SRGAP2B: variants seen among roughly 807,000 people sequenced by gnomAD.
SRGAP2B encodes SLIT-ROBO Rho GTPase-activating protein 2B.
A neutral mutation model predicts 22.2 loss-of-function variants in SRGAP2B; 9 were observed. That is an observed-to-expected ratio of 0.41 (90% CI 0.24 to 0.71). SRGAP2B has a LOEUF of 0.71. Among genes scored for constraint, SRGAP2B ranks in the 30% least tolerant of loss-of-function variants. The pLI, the probability that SRGAP2B is intolerant of heterozygous loss-of-function variation, is 0.35. For missense variants in SRGAP2B, 114 were observed against 235.8 expected (o/e 0.48, Z 3.38); for synonymous variants, 36 against 87.4 (o/e 0.41, Z 3.28).
At chr1:144,896,386 T>C (rs1662332247) in intron 8 of SRGAP2B, among the ~76,000 whole-genome samples, 1 of 126,930 alleles carries the variant, frequency 7.9e-6, no homozygotes, top group Non-Finnish European at 1.6e-5. Flanking sequence ...CCTCTCACTT[T>C]AGCTTTTTTA....
intron 2 of SRGAP2B, among the ~76,000 whole-genome samples, chr1:145,075,983 G>A (rs1447526861): frequency 6.7e-6 from 1 of 149,966 alleles, no homozygotes. Context: ...AGTTACTTGG[G>A]AGGAGGCCAT....
At chr1:144,992,142 G>C (rs1156252894) in intron 3 of SRGAP2B, among the ~76,000 whole-genome samples, 2 of 149,950 alleles carry the variant, frequency 1.3e-5, no homozygotes, top group African/African-American at 5.0e-5. Flanking sequence ...AACACTCACC[G>C]TGAAGGTCTG....
intron 3 of SRGAP2B, chr1:144,964,974 C>G (rs1667961588): frequency 7.0e-7 from 1 of 1,433,744 alleles, no homozygotes; most frequent in African/African-American, 1.4e-5. Context: ...GCGCCGCCTG[C>G]ACCAGAGACC....
intron 4 of SRGAP2B, among the ~76,000 whole-genome samples, chr1:144,920,685 C>T (rs587691957): frequency 2.1e-4 from 32 of 149,918 alleles, no homozygotes; most frequent in East Asian, 1.4e-3. Flanking sequence ...TATTCTCGAG[C>T]GACTGTGCCT....
In SRGAP2B at chr1:144,975,242, A is replaced by C. The variant is rs587710396; in HGVS notation, c.261-19641T>G. ...GGAAAACATTAAATACAAACAAATA[A>C]ATAAACCAAATTATATTTCAAACAA... On this transcript the variant is annotated intron_variant, in intron 3 of 9. Transcript: ENST00000612199. Among the ~76,000 whole-genome samples the C allele has an allele frequency of 1.1e-4, 16 of 147,624 alleles. No homozygotes were observed. In the South Asian group the frequency reaches 3.4e-3, roughly 31 times the overall value.
chr1:144,995,876 A>G (rs1208294745), intron 2 of SRGAP2B, among the ~76,000 whole-genome samples: 2 of 151,108 alleles, frequency 1.3e-5, no homozygotes, highest in Non-Finnish European at 2.9e-5. Flanking sequence ...CAGATTTCAC[A>G]GTTTCCAACA....
chr1:144,983,209 G>A (rs1404906892), intron 3 of SRGAP2B, among the ~76,000 whole-genome samples: 2 of 137,710 alleles, frequency 1.5e-5, no homozygotes, highest in African/African-American at 3.0e-5. Context: ...ACCCTTTTCC[G>A]ATTTGCAACC....
chr1:144,910,463 C>G (rs1232555236), intron 5 of SRGAP2B, among the ~76,000 whole-genome samples: 1 of 148,792 alleles, frequency 6.7e-6, no homozygotes, highest in African/African-American at 2.6e-5. Context: ...TTCAAGGGAA[C>G]AGGTGCTAAA....
chr1:145,002,048 C>A (rs1399444252), intron 2 of SRGAP2B, among the ~76,000 whole-genome samples: 26 of 122,122 alleles, frequency 2.1e-4, no homozygotes, highest in Non-Finnish European at 3.8e-4. Context: ...AAGGCACAAC[C>A]AACCAACAAA....
At position 144,995,003 on chromosome 1, in the gene SRGAP2B, C is replaced by T. The variant is rs1553618181; in HGVS notation, c.260+5G>A. The T allele has an allele frequency of 2.0e-6, 3 of 1,515,436 alleles. No individual in the cohort carries two copies. Among genetic ancestry groups the T allele is most frequent in the East Asian group, 2.5e-5 (1 of 40,408 alleles). 93.9% of individuals were successfully genotyped at this position (1,515,436 alleles called of 1,614,324 possible). On this transcript the variant is annotated splice_donor_5th_base_variant and intron_variant, in intron 3 of 9. Coordinates refer to ENST00000612199, the Ensembl canonical transcript of SRGAP2B. ...CTCAGAGAGTAATAGCCACAGAGCC[C>T]CTACTTGAATTGCTGGTCCTTGGTG...
At chr1:144,964,942 G>T (rs1450837344) in intron 3 of SRGAP2B, 4 of 919,014 alleles carry the variant, frequency 4.4e-6, no homozygotes, top group African/African-American at 3.4e-5. Flanking sequence ...TAGAGACGGA[G>T]GTAGAGGGAG....
intron 3 of SRGAP2B, among the ~76,000 whole-genome samples, chr1:144,965,317 A>G (rs1230197782): frequency 6.9e-6 from 1 of 144,492 alleles, no homozygotes; most frequent in East Asian, 2.0e-4. Context: ...TGCCTCCTCA[A>G]GTGGGTCCCT....
chr1:145,068,255 T>C (rs1651726822), intron 2 of SRGAP2B, among the ~76,000 whole-genome samples: 1 of 148,716 alleles, frequency 6.7e-6, no homozygotes. Flanking sequence ...AAGCAGGGAC[T>C]TCCTCAGTCT....
chr1:145,070,034 T>C (rs1651969681), intron 2 of SRGAP2B, among the ~76,000 whole-genome samples: 1 of 144,168 alleles, frequency 6.9e-6, no homozygotes, highest in Non-Finnish European at 1.5e-5. Context: ...GAATGTCATC[T>C]TTTTTTTTTT....
chr1:144,992,319 C>T (rs1670312077), intron 3 of SRGAP2B, among the ~76,000 whole-genome samples: 1 of 151,030 alleles, frequency 6.6e-6, no homozygotes, highest in South Asian at 2.1e-4. Flanking sequence ...ACCAAGAACC[C>T]ACCAATTCCG....
intron 2 of SRGAP2B, among the ~76,000 whole-genome samples, chr1:145,036,274 T>C (rs1648709415): frequency 7.2e-6 from 1 of 139,092 alleles, no homozygotes; most frequent in African/African-American, 2.9e-5. Flanking sequence ...TCCAAATGAA[T>C]TCCCAAGTTG....
intron 3 of SRGAP2B, among the ~76,000 whole-genome samples, chr1:144,991,725 GC>G (rs1287083539): frequency 6.8e-6 from 1 of 147,484 alleles, no homozygotes; most frequent in Non-Finnish European, 1.5e-5. Context: ...CTCTGGTGGG[GC>G]CTTAGAGAAC....
At chr1:144,902,757 T>C (rs1482042974) in intron 7 of SRGAP2B, among the ~76,000 whole-genome samples, 1 of 138,826 alleles carries the variant, frequency 7.2e-6, no homozygotes, top group Admixed American at 7.6e-5. Flanking sequence ...GAGAGACTCC[T>C]TCTCAAAAAA....
rs1234628192 is a variant in SRGAP2B at position 144,952,904 on chromosome 1, G to C, written c.423+2535C>G. Among the ~76,000 whole-genome samples the C allele has an allele frequency of 4.7e-5, 7 of 149,744 alleles. No individual in the cohort carries two copies. The East Asian group carries it at 1.4e-3, about 29-fold the overall frequency. On this transcript the variant is annotated intron_variant, in intron 4 of 9. Coordinates refer to ENST00000612199, the Ensembl canonical transcript of SRGAP2B. ...TTTTCCCACCTTGACCTCCTGAGTTGTTGGGATTACAGGAATGATCCATGG... is the reference window on the plus strand; with the variant it reads ...TTTTCCCACCTTGACCTCCTGAGTTCTTGGGATTACAGGAATGATCCATGG...
Sources: gnomAD v4.1 joint callset for allele counts (sites outside exome capture counted in the v4.1 genomes callset) on GRCh38, gnomAD v4.1.1 for gene constraint, MANE v1.5 for transcripts, NCBI Gene and HGNC (gene_info 2026-07-23, HGNC 2026-07-21) for gene names.